MCPH1: variants seen among roughly 807,000 people sequenced by gnomAD.
MCPH1 encodes microcephalin 1, also known as microcephalin.
In MCPH1, 104 loss-of-function variants were observed where a neutral mutation model predicts 84.5. That is an observed-to-expected ratio of 1.23 (90% CI 1.05 to 1.45). The LOEUF is 1.45. Among genes scored for constraint, MCPH1 ranks in the 40% most tolerant of loss-of-function variants. MCPH1 has a pLI of 0.00. For synonymous variants in MCPH1, 514 were observed against 366.8 expected (o/e 1.40, Z -4.58); for missense variants, 1,498 against 1,005.7 (o/e 1.49, Z -6.62).
At chr8:6,601,106 C>T (rs190501365) in intron 12 of MCPH1, among the ~76,000 whole-genome samples, 1 of 152,126 alleles carries the variant, frequency 6.6e-6, no homozygotes, top group East Asian at 1.9e-4. Flanking sequence ...AGAGACCTGT[C>T]CCTAGGCCTC....
At chr8:6,618,383 A>C (rs2013938) in intron 12 of MCPH1, 1 of 152,144 alleles carries the variant, frequency 6.6e-6, no homozygotes, top group Non-Finnish European at 1.5e-5. Context: ...GCAGTGTCAC[A>C]GCACAAAGAA....
Position 6,439,020 on chromosome 8 carries a change from T to C in MCPH1, c.504T>C (p.Ile168=). ...TAATATATACTCCCACAATTGAAATTAATAGTAGGCACCACAGCGCAATGG... is the reference window on the plus strand; with the variant it reads ...TAATATATACTCCCACAATTGAAATCAATAGTAGGCACCACAGCGCAATGG... ...GSLIYTPTIE[I]NSRHHSAMEK... is the part of the protein sequence containing the mutation. The change falls in exon 6 of 14, where the codon ATT becomes ATC. Residue 168 remains isoleucine, a synonymous_variant. Coordinates refer to ENST00000344683, the MANE Select transcript of MCPH1 (RefSeq NM_024596.5). 6.2e-7 allele frequency: 1 copy of C among 1,611,936 alleles called. No homozygotes were observed. The highest frequency in any genetic ancestry group is 8.5e-7 in the Non-Finnish European group (1 of 1,178,230).
intron 12 of MCPH1, among the ~76,000 whole-genome samples, chr8:6,560,748 T>C (rs1825407602): frequency 6.6e-6 from 1 of 152,252 alleles, no homozygotes; most frequent in African/African-American, 2.4e-5. Flanking sequence ...GAACTCGTTG[T>C]CTTTTTCTGT....
At chr8:6,540,107 C>G (rs1456141275) in intron 12 of MCPH1, among the ~76,000 whole-genome samples, 5 of 152,140 alleles carry the variant, frequency 3.3e-5, no homozygotes, top group Non-Finnish European at 1.5e-5. Flanking sequence ...TTTGAGTGTA[C>G]CAGAATGTCT....
chr8:6,503,219 A>G, intron 12 of MCPH1: 1 of 1,614,130 alleles, frequency 6.2e-7, no homozygotes, highest in Non-Finnish European at 8.5e-7. Flanking sequence ...TGGATAGTAC[A>G]TTCCGTTCAA....
Position 6,527,424 on chromosome 8 carries a change from C to T in MCPH1, c.2214+27495C>T, listed in dbSNP as rs952619911. 4.5e-6 allele frequency: 5 copies of T among 1,113,354 alleles called. No individual in the cohort carries two copies. The South Asian group carries it at 8.4e-5, about 19-fold the overall frequency. 69.0% of individuals were successfully genotyped at this position (1,113,354 alleles called of 1,614,324 possible). ...CTCCAAGCCCTCTCCCTTCTCCTCC[C>T]TCATGAGGTTTCTGACCCTTACACT... On this transcript the variant is annotated intron_variant, in intron 12 of 13. Coordinates refer to ENST00000344683, the MANE Select transcript of MCPH1 (RefSeq NM_024596.5).
At chr8:6,466,191 C>A in intron 9 of MCPH1, among the ~76,000 whole-genome samples, 1 of 142,138 alleles carries the variant, frequency 7.0e-6, no homozygotes, top group East Asian at 2.1e-4. Flanking sequence ...GGCTGGAGTG[C>A]AGTTGCGCGA....
intron 12 of MCPH1, chr8:6,562,578 T>TTTTTTTTTTTTTAAA: frequency 2.3e-6 from 2 of 880,184 alleles, no homozygotes; most frequent in Non-Finnish European, 3.1e-6. Context: ...TTTTGGTTGT[T>TTTTTTTTTTTTTAAA]AAAACCTGAG....
In MCPH1 at chr8:6,445,305, C is replaced by T. The variant is rs770430957; in HGVS notation, c.1583C>T (p.Thr528Ile). ...ACPEGNGFSY[T>I]IEDPALPKGH... ...CCAGAGGGAAATGGCTTTTCTTACA[C>T]CATTGAGGACCCTGCTCTTCCAAAA... Residue 528 changes from threonine (T) to isoleucine (I), a missense_variant, in exon 8 of 14, where the codon ACC (threonine) becomes ATC (isoleucine). Coordinates refer to ENST00000344683, the MANE Select transcript of MCPH1 (RefSeq NM_024596.5). 1.9e-6 allele frequency: 3 copies of T among 1,614,182 alleles called. No individual in the cohort carries two copies. The highest frequency in any genetic ancestry group is 3.3e-5 in the Admixed American group (2 of 60,028).
intron 12 of MCPH1, among the ~76,000 whole-genome samples, chr8:6,608,885 C>G (rs1020972701): frequency 6.6e-6 from 1 of 152,176 alleles, no homozygotes; most frequent in Admixed American, 6.5e-5. Context: ...ATCCCGTGTT[C>G]TGACTTAATT....
intron 11 of MCPH1, among the ~76,000 whole-genome samples, chr8:6,485,753 T>A (rs1261948646): frequency 6.6e-6 from 1 of 152,152 alleles, no homozygotes; most frequent in African/African-American, 2.4e-5. Context: ...TTTGTGTGAT[T>A]ACAAGGTAAC....
chr8:6,407,644 A>C (rs1166184124), intron 1 of MCPH1, among the ~76,000 whole-genome samples: 1 of 152,224 alleles, frequency 6.6e-6, no homozygotes, highest in East Asian at 1.9e-4. Context: ...CTGTAATCAG[A>C]TGTGGCTATT....
At chr8:6,548,627 C>A (rs1016090795) in intron 12 of MCPH1, among the ~76,000 whole-genome samples, 1 of 151,874 alleles carries the variant, frequency 6.6e-6, no homozygotes, top group Admixed American at 6.6e-5. Context: ...TAATGATGGC[C>A]GTAAGTCATA....
intron 9 of MCPH1, among the ~76,000 whole-genome samples, chr8:6,470,238 G>C (rs1310454594): frequency 1.3e-5 from 2 of 151,994 alleles, no homozygotes; most frequent in African/African-American, 4.8e-5. Flanking sequence ...AATAGAATTT[G>C]TACTTGTTTT....
chr8:6,636,923 G>T (rs1488531032), intron 13 of MCPH1, among the ~76,000 whole-genome samples: 1 of 152,194 alleles, frequency 6.6e-6, no homozygotes, highest in African/African-American at 2.4e-5. Context: ...TGGTGTGGTA[G>T]GAGTCACACA....
rs1827135581 is a variant in MCPH1, at chr8:6,576,680, G to GT, written c.2215-44773dup. Among the ~76,000 whole-genome samples the GT allele has an allele frequency of 5.5e-5, 2 of 36,340 alleles. 1 individual carries two copies. The highest frequency in any genetic ancestry group is 1.5e-4 in the Non-Finnish European group (2 of 13,574). 23.8% of individuals were successfully genotyped at this position (36,340 alleles called of 152,430 possible). ...CCGCCACCACGCTCTGCTAATTTTT[G>GT]TATTTTTTTTTTTTTTTTTTTTTTT... On this transcript the variant is annotated intron_variant, in intron 12 of 13. Transcript: ENST00000344683.
intron 12 of MCPH1, among the ~76,000 whole-genome samples, chr8:6,579,041 C>T (rs1328001570): frequency 6.6e-6 from 1 of 152,272 alleles, no homozygotes; most frequent in Middle Eastern, 3.4e-3. Flanking sequence ...AATACTGAGG[C>T]CCTGTGGGAT....
At chr8:6,572,149 T>C (rs1238822127) in intron 12 of MCPH1, among the ~76,000 whole-genome samples, 2 of 150,860 alleles carry the variant, frequency 1.3e-5, no homozygotes, top group African/African-American at 4.9e-5. Context: ...GGATGCAGTA[T>C]TAAACGTACC....
intron 4 of MCPH1, among the ~76,000 whole-genome samples, chr8:6,435,273 A>G (rs1290455547): frequency 2.6e-5 from 4 of 152,192 alleles, no homozygotes; most frequent in East Asian, 1.9e-4. Flanking sequence ...AGTGCTACCA[A>G]GCAGGCAGTG....
Sources: gnomAD v4.1 joint callset for allele counts (sites outside exome capture counted in the v4.1 genomes callset) on GRCh38, gnomAD v4.1.1 for gene constraint, MANE v1.5 for transcripts, NCBI Gene and HGNC (gene_info 2026-07-23, HGNC 2026-07-21) for gene names.